Variants in LRP1B observed in about 807,000 individuals in gnomAD.
LRP1B encodes low-density lipoprotein receptor-related protein 1B.
In LRP1B, 217 loss-of-function variants were observed where a neutral mutation model predicts 556.6. The ratio of observed to expected loss-of-function variants is 0.39; its 90% CI spans 0.35 to 0.44. The LOEUF (loss-of-function observed/expected upper bound fraction) is 0.44. LRP1B is among the 20% of genes least tolerant of loss of function. The probability of loss-of-function intolerance (pLI) is 1.00; values close to 1 mark genes in which losing one functional copy is unlikely to be tolerated. For synonymous variants in LRP1B, 2,047 were observed against 1,865.8 expected, an observed-to-expected ratio of 1.10 and a Z score of -2.50; for missense variants, 5,053 against 5,620.8, an observed-to-expected ratio of 0.90 and a Z score of 3.23.
Position 140,880,576 on chromosome 2 carries a change from C to T in LRP1B, c.4169+3241G>A, listed in dbSNP as rs578009871. ...GGATTTTATGCTGGGGAAGCAAAGT[C>T]GTCAATTAAAAACACTTCACATTGG... On this transcript the variant is annotated intron_variant, in intron 25 of 90. Transcript: ENST00000389484. Among the ~76,000 whole-genome samples the T allele has an allele frequency of 3.3e-5, 5 of 151,946 alleles. No homozygotes were observed. In the East Asian group the frequency reaches 9.7e-4, roughly 29 times the overall value.
intron 2 of LRP1B, among the ~76,000 whole-genome samples, chr2:141,516,908 G>T (rs1427185176): frequency 1.3e-5 from 2 of 148,230 alleles, no homozygotes; most frequent in Non-Finnish European, 3.0e-5. Flanking sequence ...CGTTGGCCAG[G>T]CTGGTCTCGA....
intron 1 of LRP1B, among the ~76,000 whole-genome samples, chr2:141,819,200 T>G (rs941023466): frequency 6.6e-6 from 1 of 151,788 alleles, no homozygotes; most frequent in Non-Finnish European, 1.5e-5. Flanking sequence ...ATCACGCCAT[T>G]GTACTCCAGC....
At chr2:141,554,150 G>T (rs1253340297) in intron 2 of LRP1B, among the ~76,000 whole-genome samples, 5 of 143,520 alleles carry the variant, frequency 3.5e-5, no homozygotes, top group Admixed American at 1.4e-4. Flanking sequence ...AATAGACATA[G>T]ATATAGATTA....
At chr2:141,744,016 T>C (rs962349565) in intron 2 of LRP1B, among the ~76,000 whole-genome samples, 2 of 152,028 alleles carry the variant, frequency 1.3e-5, no homozygotes, top group African/African-American at 4.8e-5. Context: ...ATCTTTATTA[T>C]TTCTTTTCTT....
intron 32 of LRP1B, among the ~76,000 whole-genome samples, chr2:140,792,406 C>T (rs189946337): frequency 2.0e-5 from 3 of 152,134 alleles, no homozygotes; most frequent in East Asian, 3.9e-4. Flanking sequence ...GTTTTATCTT[C>T]GGGTCATATG....
At chr2:140,733,503 G>A (rs1687845218) in intron 35 of LRP1B, among the ~76,000 whole-genome samples, 2 of 152,094 alleles carry the variant, frequency 1.3e-5, no homozygotes, top group African/African-American at 4.8e-5. Context: ...AAACAAACTG[G>A]TGTACTCACA....
intron 7 of LRP1B, among the ~76,000 whole-genome samples, chr2:141,105,863 T>A (rs1292273791): frequency 6.6e-6 from 1 of 152,094 alleles, no homozygotes; most frequent in Non-Finnish European, 1.5e-5. Flanking sequence ...TATATAAGTA[T>A]TCAGAACTAC....
intron 62 of LRP1B, among the ~76,000 whole-genome samples, chr2:140,453,775 T>C (rs924769860): frequency 2.0e-5 from 3 of 152,194 alleles, no homozygotes; most frequent in Non-Finnish European, 2.9e-5. Flanking sequence ...AATAGAATTC[T>C]TATTGATGTG....
At chr2:140,270,210 A>G (rs1050668606) in intron 86 of LRP1B, 32 bp downstream of exon 86, 2 of 1,483,930 alleles carry the variant, frequency 1.3e-6, no homozygotes, top group African/African-American at 2.8e-5. Context: ...AAGGCTTATT[A>G]TAAGATGCCC....
chr2:140,271,077 T>A (rs1682437535), intron 85 of LRP1B, among the ~76,000 whole-genome samples: 1 of 151,986 alleles, frequency 6.6e-6, no homozygotes, highest in African/African-American at 2.4e-5. Flanking sequence ...TAGCTACTGC[T>A]ACACTGTAAA....
At position 141,503,841 on chromosome 2, in the gene LRP1B, G is replaced by A. The variant is rs1266824206; in HGVS notation, c.206-23308C>T. On this transcript the variant is annotated intron_variant, in intron 2 of 90. Transcript: ENST00000389484. The stretch of plus-strand genomic sequence containing the variant: ...ATATAATTAAGGCAAACTTTGCCAT[G>A]TTGAAAACTTTGAAAAGAGAAACAA... 3.3e-5 allele frequency among the ~76,000 whole-genome samples: 5 copies of A among 152,148 alleles called. No individual in the cohort carries two copies. In the South Asian group the frequency reaches 8.3e-4, roughly 25 times the overall value.
At chr2:141,364,138 T>A (rs917052765) in intron 3 of LRP1B, among the ~76,000 whole-genome samples, 9 of 152,152 alleles carry the variant, frequency 5.9e-5, no homozygotes, top group African/African-American at 2.2e-4. Context: ...CATACCTCGA[T>A]CAATTACATT....
At chr2:140,798,469 T>A (rs920918988) in intron 32 of LRP1B, among the ~76,000 whole-genome samples, 24 of 152,280 alleles carry the variant, frequency 1.6e-4, no homozygotes, top group Admixed American at 5.9e-4. Context: ...TTTCATTTAT[T>A]TTTTAAGGGT....
chr2:141,883,278 C>G (rs1030663481), intron 1 of LRP1B, among the ~76,000 whole-genome samples: 4 of 152,086 alleles, frequency 2.6e-5, no homozygotes, highest in African/African-American at 9.7e-5. Flanking sequence ...ACACTTTGTA[C>G]TTATAATAGC....
intron 1 of LRP1B, among the ~76,000 whole-genome samples, chr2:141,953,262 C>T (rs1393499150): frequency 2.0e-5 from 3 of 152,038 alleles, no homozygotes; most frequent in Admixed American, 6.6e-5. Flanking sequence ...CACCAGAATC[C>T]TGTCTTAATA....
At chr2:142,091,802 C>A (rs918778980) in intron 1 of LRP1B, among the ~76,000 whole-genome samples, 1 of 152,160 alleles carries the variant, frequency 6.6e-6, no homozygotes, top group Non-Finnish European at 1.5e-5. Flanking sequence ...CTCTTTTTAG[C>A]CTCTCTTGCA....
At chr2:141,705,121 T>C (rs1574263688) in intron 2 of LRP1B, among the ~76,000 whole-genome samples, 1 of 152,160 alleles carries the variant, frequency 6.6e-6, no homozygotes, top group East Asian at 1.9e-4. Context: ...TAACCTCATT[T>C]ACTGGGAAAA....
chr2:140,297,741 T>G (rs1042716532), intron 84 of LRP1B, 67 bp downstream of exon 84: 1 of 1,473,238 alleles, frequency 6.8e-7, no homozygotes, highest in Non-Finnish European at 9.2e-7. Flanking sequence ...ATGGAAGGAG[T>G]GGATACAGGA....
At chr2:141,834,645 T>C (rs566851539) in intron 1 of LRP1B, among the ~76,000 whole-genome samples, 24 of 152,052 alleles carry the variant, frequency 1.6e-4, no homozygotes, top group African/African-American at 5.3e-4. Flanking sequence ...AGAAATGTGG[T>C]TCCAGGACAA....
Sources: allele counts gnomAD v4.1 joint callset (sites outside exome capture counted in the v4.1 genomes callset), GRCh38; gene constraint gnomAD v4.1.1; transcripts MANE v1.5; gene names NCBI Gene and HGNC (gene_info 2026-07-23, HGNC 2026-07-21).